Variants in FXYD3 observed in about 807,000 individuals in gnomAD.
FXYD3 encodes the protein FXYD domain-containing ion transport regulator 3.
A neutral mutation model predicts 19.2 loss-of-function variants in FXYD3; 13 were observed. That is an observed-to-expected ratio of 0.68 (90% CI 0.44 to 1.08). FXYD3 has a LOEUF of 1.08. FXYD3 is among the 50% of genes least tolerant of loss of function. The pLI is 0.00. For synonymous variants in FXYD3, 48 were observed against 38.9 expected, an observed-to-expected ratio of 1.23 and a Z score of -0.87; for missense variants, 101 against 109.4, an observed-to-expected ratio of 0.92 and a Z score of 0.34.
chr19:35,116,625 G>A lies in FXYD3; in HGVS notation c.-15+266G>A. On this transcript the variant is annotated intron_variant, in intron 2 of 8. Transcript: ENST00000604404. ...TGTGGTTGGGGTGTCTGAAAGACTA[G>A]TGTCTGCATGGATTAGGGATATCTG... 4 of 985,310 alleles carry A rather than the reference G, an allele frequency of 4.1e-6. No individual in the cohort carries two copies. In the South Asian group the frequency reaches 1.9e-4, roughly 46 times the overall value. The allele number at this position is 985,310 out of a possible 1,614,324, so 61.0% of individuals were successfully genotyped here.
intron 2 of FXYD3, chr19:35,118,672 G>A (rs1298004630): frequency 5.8e-6 from 4 of 686,136 alleles, no homozygotes; most frequent in African/African-American, 1.9e-5. Context: ...GCATGGGTGT[G>A]GGATGAGGGG....
chr19:35,118,927 G>T (rs1389822447), intron 2 of FXYD3, among the ~76,000 whole-genome samples: 1 of 152,156 alleles, frequency 6.6e-6, no homozygotes, highest in South Asian at 2.1e-4. Flanking sequence ...CCAATGCCCC[G>T]CTTCCCCAAA....
intron 3 of FXYD3, among the ~76,000 whole-genome samples, chr19:35,120,343 T>C (rs2065013971): frequency 6.6e-6 from 1 of 152,140 alleles, no homozygotes; most frequent in African/African-American, 2.4e-5. Context: ...TTTCACCATA[T>C]TGGCCAGGCT....
chr19:35,119,190 A>C, intron 2 of FXYD3, 173 bp from the exon 3 acceptor site: 3 of 1,563,130 alleles, frequency 1.9e-6, no homozygotes, highest in Non-Finnish European at 2.6e-6. Flanking sequence ...CCCAGTCCCC[A>C]CTCCACGGTG....
intron 5 of FXYD3, chr19:35,121,575 C>G: frequency 7.2e-7 from 1 of 1,384,932 alleles, no homozygotes. Context: ...TCAAAACCCT[C>G]ATCTGGCCTC....
intron 3 of FXYD3, among the ~76,000 whole-genome samples, chr19:35,120,274 G>C (rs2065011962): frequency 1.3e-5 from 2 of 152,032 alleles, no homozygotes; most frequent in African/African-American, 4.8e-5. Context: ...CAAGTAGCTG[G>C]CATTACAGGC....
At chr19:35,121,425 C>T (rs1248426176) in intron 5 of FXYD3, 180 bp downstream of exon 5, 23 of 1,526,334 alleles carry the variant, frequency 1.5e-5, no homozygotes, top group African/African-American at 2.8e-5. Flanking sequence ...GCAACCTGGC[C>T]TTTGGGAAGG....
chr19:35,119,315 A>G (rs774319777), intron 2 of FXYD3, 48 bp from the exon 3 acceptor site: 1 of 1,609,148 alleles, frequency 6.2e-7, no homozygotes, highest in Admixed American at 1.7e-5. Context: ...GCACAGGGCC[A>G]GCCTCCCGGT....
chr19:35,123,072 A>C, intron 7 of FXYD3, 118 bp downstream of exon 7: 1 of 1,460,404 alleles, frequency 6.8e-7, no homozygotes. Flanking sequence ...TCCTGCCGCT[A>C]AGATTTCCAG....
intron 3 of FXYD3, among the ~76,000 whole-genome samples, chr19:35,120,523 A>G (rs1051939017): frequency 1.3e-4 from 20 of 152,230 alleles, no homozygotes; most frequent in African/African-American, 4.8e-4. Flanking sequence ...CTGGGATTAC[A>G]GGCACACTTT....
chr19:35,121,592 C>G lies in FXYD3; in HGVS notation c.97+347C>G, dbSNP rs1304405236. On this transcript the variant is annotated intron_variant, in intron 5 of 8. Coordinates refer to ENST00000604404, the MANE Select transcript of FXYD3 (RefSeq NM_005971.4). Reference sequence around the variant, plus strand: ...AAAACCCTCATCTGGCCTCCAGGTTCCAATGACCTGCTCCCTACTCCCCGC... The same window carrying G: ...AAAACCCTCATCTGGCCTCCAGGTTGCAATGACCTGCTCCCTACTCCCCGC... 6.7e-6 allele frequency: 9 copies of G among 1,335,098 alleles called. No homozygotes were observed. In the East Asian group the frequency reaches 1.5e-4, roughly 22 times the overall value. The allele number at this position is 1,335,098 out of a possible 1,614,324, so 82.7% of individuals were successfully genotyped here. A position where few individuals can be genotyped will look rare whatever the true frequency, so the allele number is the denominator to read the frequency against.
At position 35,121,079 on chromosome 19, in the gene FXYD3, C is replaced by A. The variant is rs200760412; in HGVS notation, c.42C>A (p.Gly14=). The change falls in exon 4 of 9, where the codon GGC becomes GGA. Residue 14 remains glycine, a splice_region_variant and synonymous_variant. Coordinates refer to ENST00000604404, the MANE Select transcript of FXYD3 (RefSeq NM_005971.4). ...CTCCTTCCCCTCTTCTCCCACTAGG[C>A]TTTCCTGTCCTGGACGCCAATGACC... The part of the protein sequence containing the change: ...VTLGLLVFLA[G]FPVLDANDLE... 6.2e-7 allele frequency: 1 copy of A among 1,612,732 alleles called. No homozygotes were observed. The highest frequency in any genetic ancestry group is 8.5e-7 in the Non-Finnish European group (1 of 1,180,030).
chr19:35,121,246 G>A lies in FXYD3; in HGVS notation c.97+1G>A. Reference sequence around the variant, plus strand: ...GATAAAAACAGTCCTTTCTACTATGGTGAGAGCCCGTGCCCCCTTTCCCCT... The same window carrying A: ...GATAAAAACAGTCCTTTCTACTATGATGAGAGCCCGTGCCCCCTTTCCCCT... On this transcript the variant is annotated splice_donor_variant, in intron 5 of 8. Transcript: ENST00000604404. LOFTEE classifies it high-confidence loss of function. 1 of 1,613,994 alleles carries A rather than the reference G, an allele frequency of 6.2e-7. No homozygotes were observed. The highest frequency in any genetic ancestry group is 8.5e-7 in the Non-Finnish European group (1 of 1,179,890).
chr19:35,119,110 A>G, intron 2 of FXYD3: 7 of 1,285,780 alleles, frequency 5.4e-6, no homozygotes, highest in Non-Finnish European at 7.7e-6. Context: ...TTGCGGGGCG[A>G]TTCCCAGAAA....
At position 35,123,303 on chromosome 19, in the gene FXYD3, C is replaced by G; in HGVS notation, c.242C>G (p.Thr81Ser). ...HHPGETPPLITPGSAQS is the reference protein window; with the variant it reads ...HHPGETPPLISPGSAQS The stretch of plus-strand genomic sequence containing the variant: ...CCAGGGGAGACTCCACCTCTCATCA[C>G]CCCAGGTAAGATGGGGCAGCATGGG... The change falls in exon 8 of 9, where the codon ACC becomes AGC. Residue 81 changes from threonine to serine, a missense_variant. By Grantham distance (58) the Thr-to-Ser change is moderately conservative. Transcript: ENST00000604404. The G allele has an allele frequency of 1.9e-6, 3 of 1,609,772 alleles. No individual in the cohort carries two copies. Among genetic ancestry groups the G allele is most frequent in the Non-Finnish European group, 2.5e-6 (3 of 1,177,820 alleles).
rs773065889 is a variant in FXYD3, at chr19:35,122,799, C to T, written c.132C>T (p.Cys44=). 8.7e-6 allele frequency: 14 copies of T among 1,613,908 alleles called. No individual in the cohort carries two copies. Among genetic ancestry groups the T allele is most frequent in the Admixed American group, 8.3e-5 (5 of 60,022 alleles). ...WHSLQVGGLI[C]AGVLCAMGII... Reference sequence around the variant, plus strand: ...GCCTCCAGGTTGGCGGGCTCATCTGCGCTGGGGTTCTGTGCGCCATGGGCA... The same window carrying T: ...GCCTCCAGGTTGGCGGGCTCATCTGTGCTGGGGTTCTGTGCGCCATGGGCA... The change falls in exon 6 of 9, where the codon TGC becomes TGT. Residue 44 remains cysteine, a synonymous_variant. Transcript: ENST00000604404.
At chr19:35,119,665 T>TGA (rs2064993747) in intron 3 of FXYD3, 5 of 434,924 alleles carry the variant, frequency 1.1e-5, no homozygotes, top group Non-Finnish European at 1.6e-5. Context: ...CTTTTTTTGT[T>TGA]TTTGTTTTTG....
chr19:35,121,184 G>A (rs752302705), intron 4 of FXYD3, 38 bp from the exon 5 acceptor site: 3 of 1,613,970 alleles, frequency 1.9e-6, no homozygotes, highest in Admixed American at 1.7e-5. Flanking sequence ...CATCCTGGCT[G>A]TAATCCTGGA....
rs1272400274 is a variant in FXYD3 at position 35,121,130 on chromosome 19, C to T, written c.73+20C>T. On this transcript the variant is annotated intron_variant, in intron 4 of 8. Coordinates refer to ENST00000604404, the MANE Select transcript of FXYD3 (RefSeq NM_005971.4). ...TAGAAGGTGAGTCAGACTGGACTCTCACCCGTCACACCCCCAAATTCTCCC... is the reference window on the plus strand; with the variant it reads ...TAGAAGGTGAGTCAGACTGGACTCTTACCCGTCACACCCCCAAATTCTCCC... 2 of 1,613,782 alleles carry T rather than the reference C, an allele frequency of 1.2e-6. No individual in the cohort carries two copies. Among genetic ancestry groups the T allele is most frequent in the Non-Finnish European group, 1.7e-6 (2 of 1,180,052 alleles).
Sources: gnomAD v4.1 joint callset for allele counts (sites outside exome capture counted in the v4.1 genomes callset) on GRCh38, gnomAD v4.1.1 for gene constraint, MANE v1.5 for transcripts, NCBI Gene and HGNC (gene_info 2026-07-23, HGNC 2026-07-21) for gene names.